The following SPTBN4 variants were observed in gnomAD, a reference collection of about 807,000 sequenced individuals.
The protein encoded by SPTBN4 is spectrin beta chain, non-erythrocytic 4.
A neutral mutation model predicts 277.8 loss-of-function variants in SPTBN4; 96 were observed. The observed-to-expected ratio is 0.35, with a 90% CI of 0.29 to 0.41. The LOEUF is 0.41. SPTBN4 is among the 10% of genes least tolerant of loss of function. The probability of loss-of-function intolerance (pLI) is 1.00; values close to 1 mark genes in which losing one functional copy is unlikely to be tolerated. For synonymous variants in SPTBN4, 1,481 were observed against 1,580.3 expected, an observed-to-expected ratio of 0.94 and a Z score of 1.49; for missense variants, 3,006 against 3,595.7, an observed-to-expected ratio of 0.84 and a Z score of 4.19.
chr19:40,542,802 T>TTTTTTG (rs1431186739), intron 20 of SPTBN4, among the ~76,000 whole-genome samples: 1 of 151,042 alleles, frequency 6.6e-6, no homozygotes, highest in Non-Finnish European at 1.5e-5. Flanking sequence ...CTTTCCTTTT[T>TTTTTTG]TTTTTGTTTT....
In SPTBN4 at chr19:40,502,023, G is replaced by A. The variant is rs1050253580; in HGVS notation, c.887G>A (p.Arg296His). The A allele has an allele frequency of 8.7e-6, 14 of 1,614,176 alleles. No individual in the cohort carries two copies. Among genetic ancestry groups the A allele is most frequent in the Non-Finnish European group, 1.2e-5 (14 of 1,180,034 alleles). ...KMKALAVEGKRIGKVLDQVLE... is the reference protein window; with the variant it reads ...KMKALAVEGKHIGKVLDQVLE... ...AAGGCTCTGGCTGTGGAGGGGAAGCGTATCGGGAAGGTATAAGGAGCCAAG... is the reference window on the plus strand; with the variant it reads ...AAGGCTCTGGCTGTGGAGGGGAAGCATATCGGGAAGGTATAAGGAGCCAAG... Residue 296 changes from arginine to histidine, a missense_variant, in exon 8 of 36, where the codon CGT (arginine) becomes CAT (histidine). By Grantham distance (29) the Arg-to-His change is conservative. Around this residue, in one of 5 missense-constraint regions of SPTBN4, gnomAD observed 1,759 missense variants for 2,061.5 expected, o/e 0.85. Transcript: ENST00000598249. The surrounding 1 kb of genome is among the most constrained non-coding windows in gnomAD (Gnocchi z 4.9).
chr19:40,540,448 C>T (rs1162527275), intron 20 of SPTBN4, among the ~76,000 whole-genome samples: 1 of 151,340 alleles, frequency 6.6e-6, no homozygotes, highest in Admixed American at 6.6e-5. Flanking sequence ...CACTATGTTA[C>T]CCAGGCTGGT....
In SPTBN4 at chr19:40,493,016, G is replaced by A. The variant is rs1173493948; in HGVS notation, c.549G>A (p.Lys183=). The A allele has an allele frequency of 1.2e-6, 2 of 1,613,968 alleles. No individual in the cohort carries two copies. The highest frequency in any genetic ancestry group is 1.1e-5 in the South Asian group (1 of 91,084). The change falls in exon 5 of 36, where the codon AAG becomes AAA. Residue 183 remains lysine (K), a synonymous_variant. Coordinates refer to ENST00000598249, the MANE Select transcript of SPTBN4 (RefSeq NM_020971.3). The stretch of plus-strand genomic sequence containing the variant: ...ACAACAGAGAGACACGCTCAGCCAA[G>A]GATGCTCTGCTCTTGTGGTGTCAGA... The part of the protein sequence containing the change: ...TEDNRETRSA[K]DALLLWCQMK...
intron 20 of SPTBN4, among the ~76,000 whole-genome samples, chr19:40,547,033 TA>T (rs2080866696): frequency 8.4e-6 from 1 of 118,610 alleles, no homozygotes; most frequent in South Asian, 2.3e-4. Flanking sequence ...ATTTTTTAAT[TA>T]TTTTTTTAAT....
At chr19:40,508,314 TC>T (rs1419453197) in intron 13 of SPTBN4, among the ~76,000 whole-genome samples, 3 of 151,966 alleles carry the variant, frequency 2.0e-5, no homozygotes, top group Non-Finnish European at 4.4e-5. Context: ...CCACCAGGAG[TC>T]CCTCTGTGGT....
chr19:40,571,936 A>G (rs1408994430), intron 33 of SPTBN4, 83 bp from the exon 34 acceptor site: 6 of 1,445,994 alleles, frequency 4.1e-6, no homozygotes, highest in Non-Finnish European at 5.5e-6. Flanking sequence ...AGGCTCAGAC[A>G]TATTCAGACC....
intron 2 of SPTBN4, among the ~76,000 whole-genome samples, chr19:40,480,224 C>T (rs889201452): frequency 1.5e-5 from 2 of 137,566 alleles, no homozygotes; most frequent in African/African-American, 2.9e-5. Flanking sequence ...GCACTCCAGC[C>T]GGGGTTAACA....
Position 40,502,568 on chromosome 19 carries a change from C to A in SPTBN4, c.1203+61C>A. 2 of 1,497,600 alleles carry A rather than the reference C, an allele frequency of 1.3e-6. No homozygotes were observed. The highest frequency in any genetic ancestry group is 2.3e-5 in the East Asian group (1 of 44,162). 92.8% of individuals were successfully genotyped at this position (1,497,600 alleles called of 1,614,324 possible). On this transcript the variant is annotated intron_variant, in intron 10 of 35. Coordinates refer to ENST00000598249, the MANE Select transcript of SPTBN4 (RefSeq NM_020971.3). The surrounding 1 kb of genome is among the most constrained non-coding windows in gnomAD (Gnocchi z 4.9). Reference sequence around the variant, plus strand: ...ACTGTGGAGTTGTATAGGTTGCACACTGCTCAAGGGAATCATTCACATTGT... The same window carrying A: ...ACTGTGGAGTTGTATAGGTTGCACAATGCTCAAGGGAATCATTCACATTGT...
chr19:40,575,317 T>G, intron 35 of SPTBN4, 94 bp from the exon 36 acceptor site: 1 of 1,411,246 alleles, frequency 7.1e-7, no homozygotes, highest in Non-Finnish European at 9.4e-7. Flanking sequence ...ATGAGAAAAC[T>G]GAATTTCAGA....
chr19:40,487,783 T>TA lies in SPTBN4; in HGVS notation c.257dup (p.Tyr86Ter). 1 of 1,613,046 alleles carries TA rather than the reference T, an allele frequency of 6.2e-7. No homozygotes were observed. Among genetic ancestry groups the TA allele is most frequent in the Non-Finnish European group, 8.5e-7 (1 of 1,179,590 alleles). Residue 86 changes from tyrosine to a stop codon, truncating the protein, a stop_gained and frameshift_variant, in exon 3 of 36, where the codon TAT becomes TAAT. Transcript: ENST00000598249. LOFTEE classifies it high-confidence loss of function. ...ARVGCHIGDLYVDLRDGFVLT... is the reference protein window; with the variant it reads ...ARVGCHIGDL ...CGTGGGCTGCCACATCGGGGACCTC[T>TA]ATGTGGACCTCCGGGACGGCTTCGT...
intron 13 of SPTBN4, 140 bp downstream of exon 13, chr19:40,506,526 T>C: frequency 7.7e-7 from 1 of 1,297,108 alleles, no homozygotes; most frequent in East Asian, 2.6e-5. Flanking sequence ...AAGATTACAT[T>C]CCACTGGGGA....
At position 40,487,688 on chromosome 19, in the gene SPTBN4, C is replaced by G; in HGVS notation, c.170-9C>G. Reference sequence around the variant, plus strand: ...AGCGCCTGGGGGCTCATCAGGGCCTCTCCTCCAGATGAGCGGGAAGCCGTG... The same window carrying G: ...AGCGCCTGGGGGCTCATCAGGGCCTGTCCTCCAGATGAGCGGGAAGCCGTG... On this transcript the variant is annotated splice_polypyrimidine_tract_variant and intron_variant, in intron 2 of 35. Transcript: ENST00000598249. 6.2e-7 allele frequency: 1 copy of G among 1,608,502 alleles called. No individual in the cohort carries two copies. The highest frequency in any genetic ancestry group is 2.2e-5 in the East Asian group (1 of 44,754).
At position 40,560,365 on chromosome 19, in the gene SPTBN4, T is replaced by A; in HGVS notation, c.5877T>A (p.Asp1959Glu). ...SQVRDLLSWM[D>E]GIASQIGAAD... Reference sequence around the variant, plus strand: ...TCCGCGACCTGCTCTCCTGGATGGATGGCATCGCCAGCCAGATTGGGGCAG... The same window carrying A: ...TCCGCGACCTGCTCTCCTGGATGGAAGGCATCGCCAGCCAGATTGGGGCAG... Residue 1959 changes from aspartate (D) to glutamate (E), a missense_variant, in exon 27 of 36, where the codon GAT becomes GAA. Transcript: ENST00000598249. This position sits in a 1 kb window ranked among gnomAD's most constrained non-coding sequence, Gnocchi z 5.2. The A allele has an allele frequency of 6.2e-7, 1 of 1,613,996 alleles. No individual in the cohort carries two copies. Among genetic ancestry groups the A allele is most frequent in the Non-Finnish European group, 8.5e-7 (1 of 1,180,018 alleles).
chr19:40,491,539 C>T (rs541326190), intron 4 of SPTBN4, among the ~76,000 whole-genome samples: 2 of 151,608 alleles, frequency 1.3e-5, no homozygotes, highest in African/African-American at 2.4e-5. Context: ...TTTAGGAGTT[C>T]GAGCCCAGCT....
In SPTBN4 at chr19:40,520,129, C is replaced by G. The variant is rs1302068736; in HGVS notation, c.3632C>G (p.Ala1211Gly). 23 of 1,450,308 alleles carry G rather than the reference C, an allele frequency of 1.6e-5. No homozygotes were observed. In the Admixed American group the frequency reaches 4.6e-4, roughly 29 times the overall value. 89.8% of individuals were successfully genotyped at this position (1,450,308 alleles called of 1,614,324 possible). A position where few individuals can be genotyped will look rare whatever the true frequency, so the allele number is the denominator to read the frequency against. ...CTCTTCCTGCGGGATCTACGCCAGG[C>G]GCTCGTGGTGCTGCGTAACCAGGTG... ...YQLFLRDLRQ[A>G]LVVLRNQEMA... is the part of the protein sequence containing the mutation. The change falls in exon 16 of 36, where the codon GCG becomes GGG. Residue 1211 changes from alanine (A) to glycine (G), a missense_variant. Ala to Gly is a moderately conservative substitution (Grantham distance 60, BLOSUM62 0). Around this residue, in one of 5 missense-constraint regions of SPTBN4, gnomAD observed 1,759 missense variants for 2,061.5 expected, o/e 0.85. Transcript: ENST00000598249.
chr19:40,504,130 C>G lies in SPTBN4; in HGVS notation c.1663C>G (p.Gln555Glu). The G allele has an allele frequency of 1.1e-6, 1 of 919,286 alleles. No individual in the cohort carries two copies. The highest frequency in any genetic ancestry group is 1.5e-6 in the Non-Finnish European group (1 of 687,386). 56.9% of individuals were successfully genotyped at this position (919,286 alleles called of 1,614,324 possible). A position where few individuals can be genotyped will look rare whatever the true frequency, so the allele number is the denominator to read the frequency against. ...VYMVDWMEEMQAQLLSRECGQ... is the reference protein window; with the variant it reads ...VYMVDWMEEMEAQLLSRECGQ... Reference sequence around the variant, plus strand: ...CATGGTGGACTGGATGGAGGAGATGCAGGTGCCGGCGGGGGGGCGGGGATG... The same window carrying G: ...CATGGTGGACTGGATGGAGGAGATGGAGGTGCCGGCGGGGGGGCGGGGATG... Residue 555 changes from glutamine to glutamate, a missense_variant and splice_region_variant, in exon 12 of 36, where the codon CAG (glutamine) becomes GAG (glutamate). Coordinates refer to ENST00000598249, the MANE Select transcript of SPTBN4 (RefSeq NM_020971.3).
At chr19:40,530,813 A>C (rs1273329843) in intron 18 of SPTBN4, 1 of 151,520 alleles carries the variant, frequency 6.6e-6, no homozygotes, top group East Asian at 2.0e-4. Context: ...CCGGCCCCCA[A>C]GGGAGGGGAG....
At chr19:40,566,529 C>A (rs2081094073) in intron 30 of SPTBN4, among the ~76,000 whole-genome samples, 170 bp downstream of exon 30, 1 of 151,246 alleles carries the variant, frequency 6.6e-6, no homozygotes, top group African/African-American at 2.4e-5. Flanking sequence ...GACCTGTCAC[C>A]AGTGACAGCC....
rs1426943267 is a variant in SPTBN4, at chr19:40,512,829, C to A, written c.2040C>A (p.Gly680=). Residue 680 remains glycine (G), a synonymous_variant, in exon 14 of 36, where the codon GGC becomes GGA. Transcript: ENST00000598249. ...GCGGCGGTGCGGCGGGCGCAGCGGG[C>A]GCAGCGGGAACAGCGGGCGGCGCGC... ...AGGGGAAGAA[G]AAGTAGGAHD... 5.5e-6 allele frequency: 8 copies of A among 1,451,800 alleles called. No homozygotes were observed. The highest frequency in any genetic ancestry group is 2.8e-5 in the South Asian group (2 of 71,574). The allele number at this position is 1,451,800 out of a possible 1,614,324, so 89.9% of individuals were successfully genotyped here. A position where few individuals can be genotyped will look rare whatever the true frequency, so the allele number is the denominator to read the frequency against.
Sources: allele counts gnomAD v4.1 joint callset (sites outside exome capture counted in the v4.1 genomes callset), GRCh38; gene constraint gnomAD v4.1.1; regional missense constraint gnomAD v4.1.1; non-coding constraint Gnocchi (gnomAD v3.1); transcripts MANE v1.5; gene names NCBI Gene and HGNC (gene_info 2026-07-23, HGNC 2026-07-21).